Variants in TRAPPC9 observed in about 807,000 individuals in gnomAD.
TRAPPC9 encodes trafficking protein particle complex subunit 9, also known as IKK2 binding protein.
A neutral mutation model predicts 124.0 loss-of-function variants in TRAPPC9; 83 were observed. The ratio of observed to expected loss-of-function variants is 0.67; its 90% confidence interval spans 0.56 to 0.80. The LOEUF (loss-of-function observed/expected upper bound fraction) is 0.80, where lower values mean the gene tolerates loss of function less well. Ranked by LOEUF, TRAPPC9 falls within the 30% of genes least tolerant of loss-of-function variation. The pLI is 0.00. For synonymous variants in TRAPPC9, 638 were observed against 617.5 expected (o/e 1.03, Z -0.49); for missense variants, 1,302 against 1,508.3 (o/e 0.86, Z 2.27).
At chr8:140,166,946 T>C (rs963264678) in intron 17 of TRAPPC9, among the ~76,000 whole-genome samples, 4 of 152,122 alleles carry the variant, frequency 2.6e-5, no homozygotes, top group African/African-American at 9.7e-5. Context: ...AAGCAACTTG[T>C]CCTCCACCTC....
intron 5 of TRAPPC9, among the ~76,000 whole-genome samples, chr8:140,417,364 A>G (rs1374393099): frequency 2.0e-5 from 3 of 152,184 alleles, no homozygotes. Context: ...AATTTACAAG[A>G]AAAAAACAAC....
intron 3 of TRAPPC9, among the ~76,000 whole-genome samples, chr8:140,437,652 T>C (rs2070868433): frequency 6.6e-6 from 1 of 152,198 alleles, no homozygotes; most frequent in Non-Finnish European, 1.5e-5. Context: ...TTATATTTAA[T>C]ATGTTCTACG....
chr8:139,821,765 C>A (rs1189952574), intron 21 of TRAPPC9, among the ~76,000 whole-genome samples: 7 of 152,240 alleles, frequency 4.6e-5, no homozygotes, highest in Non-Finnish European at 1.0e-4. Flanking sequence ...GTCCAGCCAC[C>A]ACTGCGCACG....
chr8:140,391,243 C>T (rs1052323900), intron 7 of TRAPPC9, among the ~76,000 whole-genome samples: 1 of 152,326 alleles, frequency 6.6e-6, no homozygotes, highest in East Asian at 1.9e-4. Flanking sequence ...TTTCAAATGG[C>T]TCGGAATCAT....
At chr8:139,963,310 C>G (rs1835463591) in intron 19 of TRAPPC9, among the ~76,000 whole-genome samples, 1 of 152,110 alleles carries the variant, frequency 6.6e-6, no homozygotes, top group Non-Finnish European at 1.5e-5. Context: ...TCCTTCTAAG[C>G]CCGGGCTACG....
chr8:139,943,888 GA>G (rs929766364), intron 19 of TRAPPC9, among the ~76,000 whole-genome samples: 2 of 151,838 alleles, frequency 1.3e-5, no homozygotes, highest in African/African-American at 2.4e-5. Flanking sequence ...GAGCAGCTAG[GA>G]AAAAAACAAA....
chr8:140,183,488 T>C (rs1300340088), intron 17 of TRAPPC9, among the ~76,000 whole-genome samples: 1 of 151,930 alleles, frequency 6.6e-6, no homozygotes, highest in Non-Finnish European at 1.5e-5. Flanking sequence ...GCTCTGAGAG[T>C]TCACATCTGA....
At chr8:139,765,108 C>G (rs1384688679) in intron 21 of TRAPPC9, among the ~76,000 whole-genome samples, 1 of 152,226 alleles carries the variant, frequency 6.6e-6, no homozygotes, top group Non-Finnish European at 1.5e-5. Context: ...AACACCTGCT[C>G]AGGCTGGAAC....
intron 6 of TRAPPC9, among the ~76,000 whole-genome samples, chr8:140,403,112 G>C (rs1483702511): frequency 6.6e-6 from 1 of 152,142 alleles, no homozygotes; most frequent in Non-Finnish European, 1.5e-5. Flanking sequence ...AAGGAAAAGA[G>C]TTTTATTCTA....
Position 140,380,402 on chromosome 8 carries a change from C to T in TRAPPC9, c.1135-9222G>A, listed in dbSNP as rs571910676. Reference sequence around the variant, plus strand: ...GGCATGGCGGCTCACGGCTGTAATCCCAGCGCTTTGGGAGGCCGGGGTGGG... The same window carrying T: ...GGCATGGCGGCTCACGGCTGTAATCTCAGCGCTTTGGGAGGCCGGGGTGGG... On this transcript the variant is annotated intron_variant, in intron 7 of 22. Coordinates refer to ENST00000438773, the MANE Select transcript of TRAPPC9 (RefSeq NM_001160372.4). Among the ~76,000 whole-genome samples the T allele has an allele frequency of 1.7e-4, 26 of 152,160 alleles. No homozygotes were observed. In the East Asian group the frequency reaches 5.0e-3, roughly 29 times the overall value.
chr8:140,450,048 A>C (rs1418490366), intron 2 of TRAPPC9, among the ~76,000 whole-genome samples: 1 of 152,246 alleles, frequency 6.6e-6, no homozygotes, highest in African/African-American at 2.4e-5. Context: ...TTCAACATGT[A>C]ATCTGTATAA....
chr8:140,253,160 G>C (rs901614288), intron 15 of TRAPPC9, among the ~76,000 whole-genome samples: 1 of 152,112 alleles, frequency 6.6e-6, no homozygotes, highest in African/African-American at 2.4e-5. Flanking sequence ...CATCTCTAGA[G>C]GCACCGAGCT....
chr8:140,429,260 T>C (rs1177484486), intron 4 of TRAPPC9, among the ~76,000 whole-genome samples: 1 of 151,988 alleles, frequency 6.6e-6, no homozygotes, highest in Non-Finnish European at 1.5e-5. Flanking sequence ...TTTTTGTTGT[T>C]GTTGTATTTT....
At chr8:140,430,364 C>T (rs1281740121) in intron 4 of TRAPPC9, among the ~76,000 whole-genome samples, 1 of 152,120 alleles carries the variant, frequency 6.6e-6, no homozygotes, top group Non-Finnish European at 1.5e-5. Context: ...TCCTAAGCAC[C>T]ACTGACCTCT....
intron 21 of TRAPPC9, among the ~76,000 whole-genome samples, chr8:139,858,511 A>G (rs1827937057): frequency 6.6e-6 from 1 of 152,198 alleles, no homozygotes; most frequent in African/African-American, 2.4e-5. Context: ...CAAGATTTTT[A>G]GTTGACTTTG....
At chr8:140,288,279 G>A (rs1488647040) in intron 12 of TRAPPC9, among the ~76,000 whole-genome samples, 1 of 152,200 alleles carries the variant, frequency 6.6e-6, no homozygotes, top group East Asian at 1.9e-4. Flanking sequence ...GGAGGCTGAG[G>A]CTGCAATGAT....
intron 21 of TRAPPC9, among the ~76,000 whole-genome samples, chr8:139,790,686 C>T (rs771514810): frequency 3.3e-5 from 5 of 152,170 alleles, no homozygotes; most frequent in East Asian, 1.9e-4. Flanking sequence ...GACAGCCCCA[C>T]GGCACAGGAT....
At chr8:139,868,942 G>C (rs144700279) in intron 21 of TRAPPC9, among the ~76,000 whole-genome samples, 1 of 152,052 alleles carries the variant, frequency 6.6e-6, no homozygotes, top group Non-Finnish European at 1.5e-5. Flanking sequence ...AGGAAGGAGT[G>C]GTAGGTCAGA....
At chr8:140,265,184 G>A (rs72688879) in intron 15 of TRAPPC9, among the ~76,000 whole-genome samples, 28,180 of 152,008 alleles carry the variant, frequency 0.19, 2,700 homozygotes, top group Admixed American at 0.22. Context: ...GAGATTCGAC[G>A]CTGCCACCCC....
Sources: gnomAD v4.1 joint callset for allele counts (sites outside exome capture counted in the v4.1 genomes callset) on GRCh38, gnomAD v4.1.1 for gene constraint, MANE v1.5 for transcripts, NCBI Gene and HGNC (gene_info 2026-07-23, HGNC 2026-07-21) for gene names.